COL24A1: variants seen among roughly 807,000 people sequenced by gnomAD.
COL24A1 encodes collagen type XXIV alpha 1 chain, also known as collagen alpha-1(XXIV) chain.
Under a neutral mutation model 253.9 loss-of-function variants are expected in COL24A1, and 224 were observed. The observed-to-expected ratio is 0.88, with a 90% confidence interval of 0.79 to 0.99. The LOEUF (loss-of-function observed/expected upper bound fraction) is 0.99. COL24A1 is among the 50% of genes least tolerant of loss of function. COL24A1 has a pLI of 0.00. For missense variants in COL24A1, 2,131 were observed against 2,068.5 expected (o/e 1.03, Z -0.59); for synonymous variants, 685 against 673.7 (o/e 1.02, Z -0.26).
chr1:85,919,869 A>C (rs540334746), intron 24 of COL24A1, among the ~76,000 whole-genome samples: 51 of 152,344 alleles, frequency 3.3e-4, no homozygotes, highest in Non-Finnish European at 5.4e-4. Context: ...GTTATCCTAA[A>C]AATACAGTGA....
intron 12 of COL24A1, among the ~76,000 whole-genome samples, chr1:86,037,135 A>C (rs72716135): frequency 0.14 from 20,764 of 152,220 alleles, 1,517 homozygotes; most frequent in Middle Eastern, 0.24. Flanking sequence ...GGAATTTCAA[A>C]AAATCTCTTC....
chr1:85,774,514 G>A lies in COL24A1; in HGVS notation c.4374+1160C>T, dbSNP rs537350824. On this transcript the variant is annotated intron_variant, in intron 53 of 59. Coordinates refer to ENST00000370571, the MANE Select transcript of COL24A1 (RefSeq NM_152890.7). ...ATGTTTGGTCCTGGACTTTGTTTTGGTTGGTAAGCTATTAATTATTGCCTC... is the reference window on the plus strand; with the variant it reads ...ATGTTTGGTCCTGGACTTTGTTTTGATTGGTAAGCTATTAATTATTGCCTC... 2.0e-5 allele frequency among the ~76,000 whole-genome samples: 3 copies of A among 152,206 alleles called. No homozygotes were observed. In the South Asian group the frequency reaches 6.2e-4, roughly 32 times the overall value.
intron 24 of COL24A1, among the ~76,000 whole-genome samples, chr1:85,946,944 C>T (rs1689380256): frequency 6.6e-6 from 1 of 152,148 alleles, no homozygotes; most frequent in Non-Finnish European, 1.5e-5. Flanking sequence ...AGAAAGAAAT[C>T]CAGTCAGTGT....
intron 28 of COL24A1, among the ~76,000 whole-genome samples, chr1:85,906,693 C>T (rs1388816621): frequency 1.3e-5 from 2 of 151,840 alleles, no homozygotes; most frequent in Middle Eastern, 3.4e-3. Context: ...TAAGATACAA[C>T]TTAAAGAGAT....
At chr1:86,109,893 A>C (rs1018241811) in intron 5 of COL24A1, among the ~76,000 whole-genome samples, 4 of 152,146 alleles carry the variant, frequency 2.6e-5, no homozygotes. Flanking sequence ...TATAAAAGAG[A>C]CCCCAGAGAC....
intron 45 of COL24A1, among the ~76,000 whole-genome samples, chr1:85,820,099 C>A (rs1368477295): frequency 6.6e-6 from 1 of 152,042 alleles, no homozygotes; most frequent in Admixed American, 6.6e-5. Flanking sequence ...CTGCCCTCCT[C>A]GGCCTCCCAA....
At chr1:86,046,716 T>A (rs1354502909) in intron 12 of COL24A1, 109 bp downstream of exon 12, 2 of 1,289,614 alleles carry the variant, frequency 1.6e-6, no homozygotes, top group Non-Finnish European at 2.2e-6. Flanking sequence ...ATGGAATGAT[T>A]ATAAACAACA....
chr1:85,735,123 A>G (rs948551920), intron 58 of COL24A1, among the ~76,000 whole-genome samples, 159 bp from the exon 59 acceptor site: 2 of 152,200 alleles, frequency 1.3e-5, no homozygotes, highest in South Asian at 2.1e-4. Context: ...ATGTTTAACC[A>G]CTGCTTCTTG....
In COL24A1 at chr1:85,838,619, C is replaced by T. The variant is rs1466768359; in HGVS notation, c.3647G>A (p.Gly1216Glu). ...CTCTGCTCCAGGCTCTCCTCTCTCT[C>T]CTTGGTCCCCCACTGGACCCTACAG... is the stretch of plus-strand genomic sequence containing the variant. ...RGEPGPVGDQ[G>E]ERGEPGAEGY... Residue 1216 changes from glycine to glutamate, a missense_variant, in exon 43 of 60, where the codon GGA becomes GAA. Gly to Glu is a moderately conservative substitution (Grantham distance 98, BLOSUM62 -2). Coordinates refer to ENST00000370571, the MANE Select transcript of COL24A1 (RefSeq NM_152890.7). The T allele has an allele frequency of 6.2e-7, 1 of 1,613,842 alleles. No homozygotes were observed. The highest frequency in any genetic ancestry group is 1.3e-5 in the African/African-American group (1 of 74,930).
At position 85,744,658 on chromosome 1, in the gene COL24A1, G is replaced by A. The variant is rs373210785; in HGVS notation, c.4672+8C>T. 3.1e-6 allele frequency: 5 copies of A among 1,595,544 alleles called. No individual in the cohort carries two copies. The African/African-American group carries it at 6.8e-5, about 22-fold the overall frequency. On this transcript the variant is annotated splice_region_variant and intron_variant, in intron 57 of 59. Coordinates refer to ENST00000370571, the MANE Select transcript of COL24A1 (RefSeq NM_152890.7). Reference sequence around the variant, plus strand: ...CACTATCAGAGTTTGAGGTAACCAAGAACTTACCATCTGATACTTTTTGTT... The same window carrying A: ...CACTATCAGAGTTTGAGGTAACCAAAAACTTACCATCTGATACTTTTTGTT...
chr1:86,125,017 G>C lies in COL24A1; in HGVS notation c.1319C>G (p.Ser440Cys). Reference sequence around the variant, plus strand: ...CCTTAGATCAAGGTGATTATCCACAGATGGCTCATTTGTCACTCTATGCAA... The same window carrying C: ...CCTTAGATCAAGGTGATTATCCACACATGGCTCATTTGTCACTCTATGCAA... ...TSLHRVTNEP[S>C]VDNHLDLRKE... is the part of the protein sequence containing the mutation. Residue 440 changes from serine (S) to cysteine (C), a missense_variant, in exon 3 of 60, where the codon TCT (serine) becomes TGT (cysteine). Physicochemically the swap from Ser to Cys is moderately radical, Grantham distance 112. Coordinates refer to ENST00000370571, the MANE Select transcript of COL24A1 (RefSeq NM_152890.7). 3.1e-6 allele frequency: 5 copies of C among 1,613,176 alleles called. No individual in the cohort carries two copies. Among genetic ancestry groups the C allele is most frequent in the Non-Finnish European group, 4.2e-6 (5 of 1,179,654 alleles).
In COL24A1 at chr1:85,945,010, T is replaced by G. The variant is rs994113110; in HGVS notation, c.2562+16239A>C. On this transcript the variant is annotated intron_variant, in intron 24 of 59. Coordinates refer to ENST00000370571, the MANE Select transcript of COL24A1 (RefSeq NM_152890.7). ...ATCCAGTCTATCATTGTGTTTTTTT[T>G]TTTTTTTTTTTTTTTTTTTTTTTTT... Among the ~76,000 whole-genome samples the G allele has an allele frequency of 2.4e-4, 17 of 71,798 alleles. 1 individual carries two copies. Among genetic ancestry groups the G allele is most frequent in the South Asian group, 7.2e-4 (1 of 1,394 alleles). 47.1% of individuals were successfully genotyped at this position (71,798 alleles called of 152,430 possible).
At chr1:86,085,391 A>G (rs1359425287) in intron 7 of COL24A1, among the ~76,000 whole-genome samples, 1 of 152,206 alleles carries the variant, frequency 6.6e-6, no homozygotes. Flanking sequence ...TCAGGAAAAT[A>G]TTGCCATATA....
intron 37 of COL24A1, among the ~76,000 whole-genome samples, chr1:85,858,621 C>CCTTCCTTCCTTCCT (rs1553201493): frequency 2.6e-5 from 3 of 113,270 alleles, no homozygotes; most frequent in African/African-American, 3.1e-5. Flanking sequence ...TATTTTCTCC[C>CCTTCCTTCCTTCCT]TCCTTCCTTC....
intron 45 of COL24A1, 67 bp from the exon 46 acceptor site, chr1:85,818,154 G>T: frequency 7.8e-7 from 1 of 1,277,890 alleles, no homozygotes; most frequent in Non-Finnish European, 1.1e-6. Context: ...CCATAGAAAA[G>T]GACACTGAGA....
chr1:86,089,631 C>A (rs1703337012), intron 6 of COL24A1, among the ~76,000 whole-genome samples: 1 of 152,046 alleles, frequency 6.6e-6, no homozygotes, highest in Non-Finnish European at 1.5e-5. Flanking sequence ...ACCAGCCTGG[C>A]CAACATGGTG....
intron 27 of COL24A1, 119 bp from the exon 28 acceptor site, chr1:85,907,366 C>A: frequency 1.3e-6 from 1 of 773,762 alleles, no homozygotes; most frequent in South Asian, 1.9e-5. Flanking sequence ...ATTGATTAGT[C>A]TTCCTTAAAA....
chr1:86,156,027 G>C (rs554953835), intron 1 of COL24A1: 39 of 270,972 alleles, frequency 1.4e-4, no homozygotes, highest in Non-Finnish European at 2.1e-4. Context: ...CAGAGAGATC[G>C]TCGGAGCCCA....
At chr1:85,833,883 G>C (rs1675669146) in intron 43 of COL24A1, among the ~76,000 whole-genome samples, 1 of 146,642 alleles carries the variant, frequency 6.8e-6, no homozygotes, top group South Asian at 2.2e-4. Context: ...ACCAAACACT[G>C]CATGTTCTCA....
Sources: allele counts gnomAD v4.1 joint callset (sites outside exome capture counted in the v4.1 genomes callset), GRCh38; gene constraint gnomAD v4.1.1; transcripts MANE v1.5; gene names NCBI Gene and HGNC (gene_info 2026-07-23, HGNC 2026-07-21).